PHACTR4: variants seen among roughly 807,000 people sequenced by gnomAD.
PHACTR4 encodes protein phosphatase 1, regulatory subunit 124.
In PHACTR4, 51 loss-of-function variants were observed where a neutral mutation model predicts 72.7. That is an observed-to-expected ratio of 0.70 (90% CI 0.56 to 0.89). The LOEUF is 0.89. Among genes scored for constraint, PHACTR4 ranks in the 40% least tolerant of loss-of-function variants. The pLI, the probability that PHACTR4 is intolerant of heterozygous loss-of-function variation, is 0.00. For synonymous variants in PHACTR4, 255 were observed against 302.5 expected (o/e 0.84, Z 1.63); for missense variants, 731 against 861.8 (o/e 0.85, Z 1.90).
chr1:28,473,330 G>C (rs1284077109), intron 6 of PHACTR4, among the ~76,000 whole-genome samples: 1 of 150,480 alleles, frequency 6.6e-6, no homozygotes, highest in Non-Finnish European at 1.5e-5. Context: ...AATGAAGTAA[G>C]CTACTCATCA....
intron 2 of PHACTR4, among the ~76,000 whole-genome samples, chr1:28,416,585 T>C (rs1361402453): frequency 1.3e-5 from 2 of 152,258 alleles, no homozygotes; most frequent in Admixed American, 6.5e-5. Context: ...GACTATTGCC[T>C]GTGTCCTCTC....
At chr1:28,418,212 C>T (rs1030518732) in intron 2 of PHACTR4, among the ~76,000 whole-genome samples, 1 of 151,778 alleles carries the variant, frequency 6.6e-6, no homozygotes, top group African/African-American at 2.4e-5. Flanking sequence ...ATGCCTATCC[C>T]AGCACATTGG....
chr1:28,398,784 A>AC (rs1421661563), intron 1 of PHACTR4, among the ~76,000 whole-genome samples: 1 of 152,040 alleles, frequency 6.6e-6, no homozygotes, highest in African/African-American at 2.4e-5. Context: ...GCGCTACTGC[A>AC]CTCCAGCCTG....
intron 1 of PHACTR4, among the ~76,000 whole-genome samples, chr1:28,374,964 T>C (rs1202714685): frequency 1.3e-5 from 2 of 152,332 alleles, no homozygotes; most frequent in South Asian, 2.1e-4. Flanking sequence ...TTTGGATACA[T>C]TATTCGCTTC....
Position 28,476,153 on chromosome 1 carries a change from A to G in PHACTR4, c.1468A>G (p.Ser490Gly). Residue 490 changes from serine (S) to glycine (G), a missense_variant, in exon 8 of 14, where the codon AGT (serine) becomes GGT (glycine). This residue lies in a region of PHACTR4 where 621 missense variants were observed against 676.6 expected (regional missense o/e 0.92). Coordinates refer to ENST00000373839, the MANE Select transcript of PHACTR4 (RefSeq NM_001048183.3). ...EEEQTCPSTFSEEMTPTSVIP... is the reference protein window; with the variant it reads ...EEEQTCPSTFGEEMTPTSVIP... ...GGAGCAAACCTGTCCATCCACATTC[A>G]GTGAAGAAATGACACCTACCTCAGT... 6.2e-7 allele frequency: 1 copy of G among 1,611,638 alleles called. No homozygotes were observed. Among genetic ancestry groups the G allele is most frequent in the Non-Finnish European group, 8.5e-7 (1 of 1,178,670 alleles).
rs760091619 is a variant in PHACTR4 at position 28,447,002 on chromosome 1, T to TTTTA, written c.17-12058_17-12055dup. On this transcript the variant is annotated intron_variant, in intron 2 of 13. Transcript: ENST00000373839. ...AAATTACCCAGTCTCAGGTATTTCT[T>TTTTA]TTTATTTATTTATTTATTTATTTAT... Among the ~76,000 whole-genome samples, 1,499 of 150,708 alleles carry TTTTA rather than the reference T, an allele frequency of 9.9e-3. 8 individuals carry two copies. The highest frequency in any genetic ancestry group is 0.041 in the Middle Eastern group (12 of 292).
At chr1:28,407,388 A>G in intron 1 of PHACTR4, 22 bp from the exon 2 acceptor site, 1 of 1,379,956 alleles carries the variant, frequency 7.2e-7, no homozygotes, top group Non-Finnish European at 1.0e-6. Flanking sequence ...TAAGTGTATC[A>G]TTTACCTTTT....
intron 1 of PHACTR4, among the ~76,000 whole-genome samples, chr1:28,374,962 C>CATT (rs1209134501): frequency 6.6e-6 from 1 of 152,186 alleles, no homozygotes; most frequent in East Asian, 1.9e-4. Context: ...TATTTGGATA[C>CATT]ATTATTCGCT....
intron 2 of PHACTR4, among the ~76,000 whole-genome samples, chr1:28,458,097 GGTGTGTGTGTTT>G (rs1313880502): frequency 0.029 from 3,879 of 135,198 alleles, 176 homozygotes; most frequent in African/African-American, 0.097. Context: ...TTAATATTAT[GGTGTGTGTGTTT>G]GTGTGTGTGT....
intron 2 of PHACTR4, among the ~76,000 whole-genome samples, chr1:28,433,318 T>A (rs987710795): frequency 2.6e-5 from 4 of 152,034 alleles, no homozygotes; most frequent in African/African-American, 9.7e-5. Context: ...TCGTCCTACC[T>A]TTCTGCTTGT....
chr1:28,484,392 C>G (rs1220170561), intron 9 of PHACTR4, among the ~76,000 whole-genome samples: 2 of 151,824 alleles, frequency 1.3e-5, no homozygotes, highest in Non-Finnish European at 2.9e-5. Flanking sequence ...GAGGCTGTGG[C>G]AGCAGAACTA....
chr1:28,453,409 C>A, intron 2 of PHACTR4: 1 of 253,172 alleles, frequency 3.9e-6, no homozygotes, highest in Non-Finnish European at 7.5e-6. Context: ...AAGTTGAAAA[C>A]GAAAAAAAGA....
At chr1:28,430,311 A>T (rs72882164) in intron 2 of PHACTR4, among the ~76,000 whole-genome samples, 1 of 152,066 alleles carries the variant, frequency 6.6e-6, no homozygotes, top group African/African-American at 2.4e-5. Flanking sequence ...GGCATGAGCC[A>T]CTGCGCCCGG....
At chr1:28,370,623 A>AAAAAAAAAAAC (rs1651168129) in intron 1 of PHACTR4, among the ~76,000 whole-genome samples, 1 of 151,122 alleles carries the variant, frequency 6.6e-6, no homozygotes, top group African/African-American at 2.4e-5. Context: ...AAAAAAAAAA[A>AAAAAAAAAAAC]CCCTCCAGTG....
At chr1:28,489,331 A>C (rs998725348) in intron 10 of PHACTR4, 106 bp downstream of exon 10, 2 of 898,780 alleles carry the variant, frequency 2.2e-6, no homozygotes, top group African/African-American at 3.4e-5. Context: ...GCTAAGGGAG[A>C]GTGTTCCAGC....
At chr1:28,460,504 C>A (rs751026667) in intron 4 of PHACTR4, among the ~76,000 whole-genome samples, 18 of 151,792 alleles carry the variant, frequency 1.2e-4, no homozygotes, top group Admixed American at 2.0e-4. Context: ...TACAATATTG[C>A]GTGTCTTTTT....
intron 2 of PHACTR4, 103 bp from the exon 3 acceptor site, chr1:28,458,982 C>T (rs1017736715): frequency 2.8e-6 from 3 of 1,063,190 alleles, no homozygotes; most frequent in Middle Eastern, 3.1e-4. Context: ...ATCGTTGCTC[C>T]GATCCTTTCC....
At chr1:28,443,018 T>G (rs1299659267) in intron 2 of PHACTR4, among the ~76,000 whole-genome samples, 1 of 152,168 alleles carries the variant, frequency 6.6e-6, no homozygotes, top group Non-Finnish European at 1.5e-5. Flanking sequence ...ACACTAGAAC[T>G]TTTTCCTCTT....
intron 1 of PHACTR4, among the ~76,000 whole-genome samples, chr1:28,396,259 C>T (rs1028066074): frequency 1.3e-5 from 2 of 151,920 alleles, no homozygotes; most frequent in Admixed American, 6.6e-5. Flanking sequence ...TAGCCAGGCA[C>T]GGTGGCTCAT....
Sources: gnomAD v4.1 joint callset for allele counts (sites outside exome capture counted in the v4.1 genomes callset) on GRCh38, gnomAD v4.1.1 for gene constraint, gnomAD v4.1.1 regional missense constraint, MANE v1.5 for transcripts, NCBI Gene and HGNC (gene_info 2026-07-23, HGNC 2026-07-21) for gene names.